The following ZNF138 variants were observed in gnomAD, a reference collection of about 807,000 sequenced individuals.
ZNF138 encodes the protein zinc finger protein 138 (clone pHZ-32).
A neutral mutation model predicts 33.0 loss-of-function variants in ZNF138; 33 were observed. The observed-to-expected ratio is 1.00, with a 90% CI of 0.76 to 1.34. The LOEUF is 1.34. ZNF138 is among the 40% of genes most tolerant of loss of function. ZNF138 has a pLI of 0.00. For missense variants in ZNF138, 360 were observed against 370.8 expected (o/e 0.97, Z 0.24); for synonymous variants, 139 against 120.4 (o/e 1.15, Z -1.01).
At chr7:64,854,525 G>A in the ZNF138 span, among the ~76,000 whole-genome samples, 64,768 of 152,094 alleles carry the variant, frequency 0.43, 14,232 homozygotes, top group Middle Eastern at 0.5. Context: ...ATAGGCGTGA[G>A]CCATCACACC....
chr7:64,812,244 C>T (rs1249866485), intron 1 of ZNF138, among the ~76,000 whole-genome samples: 1 of 151,624 alleles, frequency 6.6e-6, no homozygotes, highest in Non-Finnish European at 1.5e-5. Context: ...ATTCAGCCTT[C>T]ACCTCCTGGG....
chr7:64,809,604 C>G (rs868336289), intron 1 of ZNF138, among the ~76,000 whole-genome samples: 2 of 147,514 alleles, frequency 1.4e-5, no homozygotes, highest in Admixed American at 6.7e-5. Context: ...TGACCCCCCC[C>G]ACACCTCCCT....
intron 1 of ZNF138, among the ~76,000 whole-genome samples, chr7:64,808,594 T>TAA (rs757058841): frequency 2.6e-5 from 4 of 151,910 alleles, no homozygotes; most frequent in Admixed American, 6.6e-5. Context: ...CTTTTTTTTT[T>TAA]AAATTTATTT....
intron 1 of ZNF138, among the ~76,000 whole-genome samples, chr7:64,813,627 G>A (rs1189150487): frequency 6.6e-6 from 1 of 151,918 alleles, no homozygotes; most frequent in South Asian, 2.1e-4. Context: ...GTAGAGACGG[G>A]GTTTCACTGT....
chr7:64,809,238 G>A (rs1248446370), intron 1 of ZNF138, among the ~76,000 whole-genome samples: 54 of 66,910 alleles, frequency 8.1e-4, no homozygotes, highest in African/African-American at 3.1e-3. Context: ...TCCCTCCCGG[G>A]TGGGGCGGCT....
chr7:64,794,684 G>T (rs1424545973), intron 1 of ZNF138, 113 bp downstream of exon 1: 2 of 1,512,774 alleles, frequency 1.3e-6, no homozygotes, highest in Non-Finnish European at 1.8e-6. Flanking sequence ...AAAATCCGCG[G>T]CCCCGAGTTC....
At chr7:64,820,071 C>G (rs1478851295) in intron 3 of ZNF138, among the ~76,000 whole-genome samples, 3 of 16,636 alleles carry the variant, frequency 1.8e-4, no homozygotes, top group Admixed American at 1.0e-3. Context: ...AGACTCTGTC[C>G]CCGCAAAAAA....
intron 1 of ZNF138, among the ~76,000 whole-genome samples, chr7:64,808,684 A>G (rs534984469): frequency 9.6e-4 from 144 of 149,402 alleles, no homozygotes; most frequent in African/African-American, 3.5e-3. Flanking sequence ...AGGGAAGGTC[A>G]GCAGATAAAC....
At chr7:64,823,275 TAA>T in intron 3 of ZNF138, among the ~76,000 whole-genome samples, 1 of 152,216 alleles carries the variant, frequency 6.6e-6, no homozygotes, top group East Asian at 1.9e-4. Flanking sequence ...CTTTTGCTTT[TAA>T]TTCCTAGGTT....
intron 1 of ZNF138, among the ~76,000 whole-genome samples, chr7:64,800,838 T>G (rs1313168094): frequency 6.6e-5 from 10 of 152,178 alleles, no homozygotes; most frequent in African/African-American, 2.2e-4. Context: ...TGCTAGGCTA[T>G]TTATTACTAA....
At chr7:64,851,561 A>G in the ZNF138 span, among the ~76,000 whole-genome samples, 1 of 152,194 alleles carries the variant, frequency 6.6e-6, no homozygotes, top group African/African-American at 2.4e-5. Flanking sequence ...TCCACAGAAC[A>G]GTCTTTATTA....
chr7:64,813,341 C>T (rs377415511), intron 1 of ZNF138, among the ~76,000 whole-genome samples: 1 of 152,142 alleles, frequency 6.6e-6, no homozygotes. Flanking sequence ...TTAAGAGATC[C>T]CTGCTCTTTG....
chr7:64,860,321 A>G, the ZNF138 span, among the ~76,000 whole-genome samples: 5,468 of 152,304 alleles, frequency 0.036, 135 homozygotes, highest in Middle Eastern at 0.085. Context: ...TGAAATATAC[A>G]CTGCATTATT....
chr7:64,848,250 T>C, the ZNF138 span, among the ~76,000 whole-genome samples: 1 of 152,148 alleles, frequency 6.6e-6, no homozygotes, highest in Non-Finnish European at 1.5e-5. Context: ...TTCCAAAGTT[T>C]TAGACTTCTC....
chr7:64,804,544 A>G (rs543718449), intron 1 of ZNF138, among the ~76,000 whole-genome samples: 1 of 148,962 alleles, frequency 6.7e-6, no homozygotes, highest in Non-Finnish European at 1.5e-5. Context: ...CTACAGGGAG[A>G]GGCGGAGGTG....
the ZNF138 span, among the ~76,000 whole-genome samples, chr7:64,842,450 T>A: frequency 6.6e-6 from 1 of 152,234 alleles, no homozygotes; most frequent in Non-Finnish European, 1.5e-5. Flanking sequence ...ATATTTCTTG[T>A]CCATATTGAT....
At position 64,833,078 on chromosome 7, in the gene ZNF138, A is replaced by G; in HGVS notation, c.*876A>G. On this transcript the variant is annotated 3_prime_UTR_variant, in exon 4 of 4. Coordinates refer to ENST00000307355, the MANE Select transcript of ZNF138 (RefSeq NM_001271639.2). ...TACATAAGATAATTTATACTGGAGC[A>G]AAACCTTGGAAATTCAAAGAATGTG... 3.4e-6 allele frequency: 1 copy of G among 297,636 alleles called. No homozygotes were observed. The highest frequency in any genetic ancestry group is 6.9e-6 in the Non-Finnish European group (1 of 145,266). 18.4% of individuals were successfully genotyped at this position (297,636 alleles called of 1,614,324 possible). A position where few individuals can be genotyped will look rare whatever the true frequency, so the allele number is the denominator to read the frequency against.
At chr7:64,798,396 A>G (rs964305849) in intron 1 of ZNF138, among the ~76,000 whole-genome samples, 1 of 152,236 alleles carries the variant, frequency 6.6e-6, no homozygotes, top group African/African-American at 2.4e-5. Flanking sequence ...ATTAAGAAGT[A>G]TTTTATTTGA....
At chr7:64,858,224 A>G in the ZNF138 span, among the ~76,000 whole-genome samples, 3 of 152,158 alleles carry the variant, frequency 2.0e-5, no homozygotes, top group South Asian at 2.1e-4. Flanking sequence ...TTTATTGCTG[A>G]GAAGTGTCCT....
Sources: allele counts gnomAD v4.1 joint callset (sites outside exome capture counted in the v4.1 genomes callset), GRCh38; gene constraint gnomAD v4.1.1; transcripts MANE v1.5; gene names NCBI Gene and HGNC (gene_info 2026-07-23, HGNC 2026-07-21).